LRFN5: variants seen among roughly 807,000 people sequenced by gnomAD.
LRFN5 encodes leucine-rich repeat and fibronectin type-III domain-containing protein 5.
LRFN5 carries 24 observed loss-of-function variants against 45.6 expected under a neutral mutation model. That is an observed-to-expected ratio of 0.53 (90% CI 0.38 to 0.74). LRFN5 has a LOEUF of 0.74. Ranked by LOEUF, LRFN5 falls within the 30% of genes least tolerant of loss-of-function variation. LRFN5 has a pLI of 0.00. For missense variants in LRFN5, 776 were observed against 861.5 expected (o/e 0.90, Z 1.24); for synonymous variants, 340 against 313.8 (o/e 1.08, Z -0.88).
chr14:41,608,594 A>G (rs1009913568), intron 1 of LRFN5, 32 bp downstream of exon 1: 2 of 152,624 alleles, frequency 1.3e-5, no homozygotes. Context: ...GCCTCACCCA[A>G]TTTCCTTTTG....
intron 1 of LRFN5, among the ~76,000 whole-genome samples, chr14:41,691,351 AC>A: frequency 6.6e-6 from 1 of 152,172 alleles, no homozygotes; most frequent in African/African-American, 2.4e-5. Flanking sequence ...TCAAGCTATC[AC>A]ATTTTACCTA....
chr14:41,610,661 T>TTAAA (rs1334122731), intron 1 of LRFN5, among the ~76,000 whole-genome samples: 1 of 37,340 alleles, frequency 2.7e-5, no homozygotes, highest in South Asian at 7.6e-4. Flanking sequence ...CCAGGGAAGG[T>TTAAA]AAAAAAAAAA....
intron 2 of LRFN5, among the ~76,000 whole-genome samples, chr14:41,785,723 T>G (rs1594707501): frequency 6.7e-6 from 1 of 149,702 alleles, no homozygotes; most frequent in Non-Finnish European, 1.5e-5. Context: ...CCCGAGGCTG[T>G]TTTCCTGCAA....
intron 2 of LRFN5, among the ~76,000 whole-genome samples, chr14:41,830,365 AG>A (rs1888437482): frequency 6.6e-6 from 1 of 152,174 alleles, no homozygotes. Flanking sequence ...GATCCTTAAA[AG>A]TCAAAGCTCA....
intron 2 of LRFN5, among the ~76,000 whole-genome samples, chr14:41,864,851 C>T (rs758432436): frequency 1.3e-5 from 2 of 151,778 alleles, no homozygotes; most frequent in Non-Finnish European, 2.9e-5. Context: ...AAAGCTTTTA[C>T]TATCATTCTC....
intron 1 of LRFN5, among the ~76,000 whole-genome samples, chr14:41,745,763 A>T (rs1884895372): frequency 6.7e-6 from 1 of 148,340 alleles, no homozygotes; most frequent in African/African-American, 2.5e-5. Context: ...AAACTGAATA[A>T]CCCTACATGA....
intron 1 of LRFN5, among the ~76,000 whole-genome samples, chr14:41,664,043 T>TA (rs1880781903): frequency 6.6e-6 from 1 of 151,952 alleles, no homozygotes; most frequent in Non-Finnish European, 1.5e-5. Context: ...TCTCAAGTGT[T>TA]ATAAACATTC....
chr14:41,880,162 C>T (rs900294539), intron 2 of LRFN5, among the ~76,000 whole-genome samples: 6 of 151,430 alleles, frequency 4.0e-5, no homozygotes, highest in Non-Finnish European at 8.8e-5. Context: ...CTCCTGACCT[C>T]GTGATCTGCC....
chr14:41,850,553 T>C (rs574657163), intron 2 of LRFN5, among the ~76,000 whole-genome samples: 1 of 151,978 alleles, frequency 6.6e-6, no homozygotes, highest in Admixed American at 6.6e-5. Context: ...ACCAATGCAT[T>C]TACTCTCATT....
chr14:41,858,521 C>T (rs1021552644), intron 2 of LRFN5, among the ~76,000 whole-genome samples: 2 of 151,854 alleles, frequency 1.3e-5, no homozygotes, highest in Non-Finnish European at 2.9e-5. Flanking sequence ...CCGCCATAGG[C>T]TTATTTTTTC....
intron 1 of LRFN5, among the ~76,000 whole-genome samples, chr14:41,610,921 G>T (rs148563552): frequency 6.6e-6 from 1 of 151,982 alleles, no homozygotes; most frequent in African/African-American, 2.4e-5. Context: ...CAACAGTATT[G>T]ATATCATACT....
intron 2 of LRFN5, among the ~76,000 whole-genome samples, chr14:41,878,747 A>G (rs1225860034): frequency 6.6e-6 from 1 of 152,132 alleles, no homozygotes; most frequent in Non-Finnish European, 1.5e-5. Flanking sequence ...GGCTTTACTT[A>G]ACTAGATTAA....
intron 2 of LRFN5, among the ~76,000 whole-genome samples, chr14:41,834,236 T>C (rs1888583361): frequency 6.6e-6 from 1 of 152,224 alleles, no homozygotes; most frequent in African/African-American, 2.4e-5. Context: ...ATCTGCATAA[T>C]AATTAGCTGA....
Position 41,734,316 on chromosome 14 carries a change from T to TTATATATATATATGTA in LRFN5, c.-196-32525_-196-32524insGTATATATATATATAT, listed in dbSNP as rs1555358692. Among the ~76,000 whole-genome samples, 6 of 38,794 alleles carry TTATATATATATATGTA rather than the reference T, an allele frequency of 1.5e-4. 1 individual carries two copies. The highest frequency in any genetic ancestry group is 8.0e-4 in the Admixed American group (2 of 2,514). 25.5% of individuals were successfully genotyped at this position (38,794 alleles called of 152,430 possible). A position where few individuals can be genotyped will look rare whatever the true frequency, so the allele number is the denominator to read the frequency against. ...GTGAGCCACCTTTCCTGGACTGGTT[T>TTATATATATATATGTA]TATATATATATATATATATATATAT... is the stretch of plus-strand genomic sequence containing the variant. On this transcript the variant is annotated intron_variant, in intron 1 of 5. Coordinates refer to ENST00000298119, the MANE Select transcript of LRFN5 (RefSeq NM_152447.5).
intron 1 of LRFN5, among the ~76,000 whole-genome samples, chr14:41,720,574 T>G (rs879405241): frequency 2.0e-5 from 3 of 152,134 alleles, no homozygotes; most frequent in Non-Finnish European, 4.4e-5. Flanking sequence ...TATTTTGGTT[T>G]GTTGTGTCTC....
At chr14:41,652,273 T>C (rs1880164628) in intron 1 of LRFN5, among the ~76,000 whole-genome samples, 2 of 152,144 alleles carry the variant, frequency 1.3e-5, no homozygotes, top group African/African-American at 4.8e-5. Context: ...GACAATATTA[T>C]ATCATTTCTA....
intron 1 of LRFN5, among the ~76,000 whole-genome samples, chr14:41,665,161 CAA>C (rs1880838911): frequency 6.6e-6 from 1 of 151,710 alleles, no homozygotes. Context: ...AAAATGGTCT[CAA>C]ATTTCTTATG....
At chr14:41,753,969 A>G (rs1297570130) in intron 1 of LRFN5, among the ~76,000 whole-genome samples, 1 of 152,212 alleles carries the variant, frequency 6.6e-6, no homozygotes, top group African/African-American at 2.4e-5. Flanking sequence ...AGTTTTTAGC[A>G]TGAAGGGCTG....
At chr14:41,809,672 A>C (rs899533766) in intron 2 of LRFN5, among the ~76,000 whole-genome samples, 1 of 151,556 alleles carries the variant, frequency 6.6e-6, no homozygotes, top group African/African-American at 2.4e-5. Flanking sequence ...TTTTTGTATC[A>C]TATTTACATA....
Sources: allele counts gnomAD v4.1 joint callset (sites outside exome capture counted in the v4.1 genomes callset), GRCh38; gene constraint gnomAD v4.1.1; transcripts MANE v1.5; gene names NCBI Gene and HGNC (gene_info 2026-07-23, HGNC 2026-07-21).